Variants in MALRD1 observed in about 807,000 individuals in gnomAD.
MALRD1 encodes MAM and LDL-receptor class A domain-containing protein 1.
Under a neutral mutation model 242.1 loss-of-function variants are expected in MALRD1, and 247 were observed. The observed-to-expected ratio is 1.02, with a 90% CI of 0.92 to 1.13. The LOEUF is 1.13. MALRD1 is among the 50% of genes most tolerant of loss of function. The pLI is 0.00. For synonymous variants in MALRD1, 995 were observed against 866.6 expected (o/e 1.15, Z -2.60); for missense variants, 2,989 against 2,533.1 (o/e 1.18, Z -3.86).
upstream of MALRD1, among the ~76,000 whole-genome samples, chr10:19,047,878 T>A (rs2131186724): frequency 6.6e-6 from 1 of 152,334 alleles, no homozygotes; most frequent in East Asian, 1.9e-4. Context: ...ATTCTCCGGT[T>A]ATTTTTGCCT....
intron 38 of MALRD1, among the ~76,000 whole-genome samples, chr10:19,703,370 T>G (rs534944002): frequency 1.1e-4 from 16 of 152,260 alleles, no homozygotes; most frequent in African/African-American, 3.8e-4. Flanking sequence ...CAGCACACCA[T>G]AGCTACAGGG....
intron 26 of MALRD1, among the ~76,000 whole-genome samples, chr10:19,358,166 C>CTA (rs1844718210): frequency 6.9e-6 from 1 of 145,386 alleles, no homozygotes; most frequent in African/African-American, 2.6e-5. Context: ...TTAATAAAAC[C>CTA]TATATATATG....
chr10:19,654,530 C>T (rs1322193631), intron 36 of MALRD1, among the ~76,000 whole-genome samples: 3 of 152,144 alleles, frequency 2.0e-5, no homozygotes, highest in Non-Finnish European at 4.4e-5. Context: ...AGTGAAGTTG[C>T]TTGTTCTGAC....
At chr10:19,063,724 A>G (rs941862577) in intron 1 of MALRD1, among the ~76,000 whole-genome samples, 2 of 146,258 alleles carry the variant, frequency 1.4e-5, no homozygotes, top group African/African-American at 5.0e-5. Flanking sequence ...GTTCTCACTC[A>G]TAGGTGGGAA....
intron 36 of MALRD1, among the ~76,000 whole-genome samples, chr10:19,621,194 A>C (rs2131622840): frequency 6.6e-6 from 1 of 151,702 alleles, no homozygotes; most frequent in Admixed American, 6.6e-5. Flanking sequence ...AAAAACAACA[A>C]AGAAACATGG....
At chr10:19,158,471 A>T (rs1834260758) in intron 12 of MALRD1, among the ~76,000 whole-genome samples, 1 of 152,232 alleles carries the variant, frequency 6.6e-6, no homozygotes, top group African/African-American at 2.4e-5. Context: ...AGTAAAGTTT[A>T]TGAGGGCCAG....
chr10:19,455,866 G>T (rs1451085848), intron 29 of MALRD1, among the ~76,000 whole-genome samples: 3 of 152,128 alleles, frequency 2.0e-5, no homozygotes, highest in African/African-American at 4.8e-5. Context: ...CAGTTTTGTG[G>T]ATTTTTCTTT....
intron 23 of MALRD1, among the ~76,000 whole-genome samples, chr10:19,328,072 G>A (rs1843211064): frequency 6.6e-6 from 1 of 151,968 alleles, no homozygotes; most frequent in South Asian, 2.1e-4. Flanking sequence ...ATTATTATAG[G>A]GAATAGATTC....
intron 23 of MALRD1, among the ~76,000 whole-genome samples, chr10:19,330,477 G>A (rs989878968): frequency 7.2e-5 from 11 of 151,852 alleles, no homozygotes; most frequent in South Asian, 4.2e-4. Flanking sequence ...TTGTTAACTC[G>A]CCTCCAATTG....
At chr10:19,171,450 A>ACACACATG (rs1364921727) in intron 13 of MALRD1, among the ~76,000 whole-genome samples, 8 of 94,796 alleles carry the variant, frequency 8.4e-5, no homozygotes, top group Middle Eastern at 6.2e-3. Flanking sequence ...ATATATATAT[A>ACACACATG]TATATATACA....
intron 33 of MALRD1, among the ~76,000 whole-genome samples, chr10:19,570,867 C>T (rs1836497651): frequency 6.6e-6 from 1 of 151,724 alleles, no homozygotes; most frequent in Non-Finnish European, 1.5e-5. Context: ...CTTCTTAAAA[C>T]TGTGTTGTTT....
chr10:19,548,968 G>A (rs753278412), intron 32 of MALRD1, among the ~76,000 whole-genome samples: 4 of 152,162 alleles, frequency 2.6e-5, no homozygotes, highest in Non-Finnish European at 4.4e-5. Context: ...GGAAAAGTTC[G>A]TGAAGGAAGT....
chr10:19,378,430 C>T (rs1249804161), intron 26 of MALRD1, among the ~76,000 whole-genome samples: 2 of 152,000 alleles, frequency 1.3e-5, no homozygotes, highest in African/African-American at 4.8e-5. Context: ...TTTTGGTGGC[C>T]ATGGAAAGAA....
chr10:19,649,051 T>C (rs1840761192), intron 36 of MALRD1, among the ~76,000 whole-genome samples: 1 of 152,186 alleles, frequency 6.6e-6, no homozygotes, highest in South Asian at 2.1e-4. Flanking sequence ...CCATCCACGA[T>C]CCCACAAAAG....
intron 18 of MALRD1, among the ~76,000 whole-genome samples, chr10:19,244,216 C>G (rs755246525): frequency 3.5e-4 from 54 of 152,144 alleles, no homozygotes; most frequent in Non-Finnish European, 6.3e-4. Context: ...CTTCAACTCA[C>G]TGGTTCCTTA....
intron 26 of MALRD1, among the ~76,000 whole-genome samples, chr10:19,364,365 C>T (rs1041059817): frequency 4.3e-4 from 65 of 152,142 alleles, no homozygotes; most frequent in African/African-American, 1.5e-3. Context: ...AAATATGCTC[C>T]TGTATCACAA....
chr10:19,693,967 C>T (rs12248694), intron 38 of MALRD1, among the ~76,000 whole-genome samples: 1 of 151,940 alleles, frequency 6.6e-6, no homozygotes, highest in Non-Finnish European at 1.5e-5. Context: ...CAAAAACAAG[C>T]AATGGGGAAA....
At chr10:19,237,594 ATATAAT>A (rs1186862056) in intron 18 of MALRD1, among the ~76,000 whole-genome samples, 68 of 8,958 alleles carry the variant, frequency 7.6e-3, no homozygotes, top group African/African-American at 0.031. Context: ...TTATATAATT[ATATAAT>A]TATAATTATA....
At chr10:19,142,081 A>G (rs1833563529) in intron 10 of MALRD1, among the ~76,000 whole-genome samples, 1 of 147,970 alleles carries the variant, frequency 6.8e-6, no homozygotes. Flanking sequence ...CTGAGGCAGG[A>G]GAATGGCGTG....
Sources: gnomAD v4.1 joint callset for allele counts (sites outside exome capture counted in the v4.1 genomes callset) on GRCh38, gnomAD v4.1.1 for gene constraint, MANE v1.5 for transcripts, NCBI Gene and HGNC (gene_info 2026-07-23, HGNC 2026-07-21) for gene names.